The following RABGAP1 variants were observed in gnomAD, a reference collection of about 807,000 sequenced individuals.
RABGAP1 encodes the protein RAB GTPase activating protein 1.
A neutral mutation model predicts 137.6 loss-of-function variants in RABGAP1; 23 were observed. That is an observed-to-expected ratio of 0.17 (90% CI 0.12 to 0.24). RABGAP1 has a LOEUF of 0.24. Ranked by LOEUF, RABGAP1 falls within the 10% of genes least tolerant of loss-of-function variation. The pLI is 1.00. For missense variants in RABGAP1, 906 were observed against 1,275.8 expected, an observed-to-expected ratio of 0.71 and a Z score of 4.42; for synonymous variants, 451 against 450.7, an observed-to-expected ratio of 1.00 and a Z score of -0.01.
intron 10 of RABGAP1, among the ~76,000 whole-genome samples, chr9:123,008,311 A>G (rs1588261050): frequency 1.3e-5 from 2 of 152,184 alleles, no homozygotes; most frequent in East Asian, 3.9e-4. Flanking sequence ...TGTAATCCCA[A>G]CACTTTGGGA....
At chr9:123,020,860 A>G (rs2031583597) in intron 13 of RABGAP1, 11 of 857,962 alleles carry the variant, frequency 1.3e-5, no homozygotes, top group Non-Finnish European at 1.5e-5. Flanking sequence ...TAAGAAAATA[A>G]TTCTTTAATC....
At chr9:123,011,977 C>A (rs1324279190) in intron 11 of RABGAP1, among the ~76,000 whole-genome samples, 1 of 152,048 alleles carries the variant, frequency 6.6e-6, no homozygotes, top group Non-Finnish European at 1.5e-5. Context: ...ACAACAACAA[C>A]AAAAAGAAAT....
chr9:123,092,764 G>T (rs758506377), intron 21 of RABGAP1, among the ~76,000 whole-genome samples: 21 of 152,258 alleles, frequency 1.4e-4, no homozygotes, highest in South Asian at 2.1e-4. Flanking sequence ...GTTGTAGAAG[G>T]GATATAATTA....
In RABGAP1 at chr9:122,996,125, A is replaced by T; in HGVS notation, c.1008A>T (p.Thr336=). 6.2e-7 allele frequency: 1 copy of T among 1,610,738 alleles called. No homozygotes were observed. The highest frequency in any genetic ancestry group is 8.5e-7 in the Non-Finnish European group (1 of 1,179,226). ...DKKIVIYVQQ[T]TNKELAIERC... ...AGATTGTCATCTATGTGCAGCAAACAACTAATAAAGAACTTGCCATTGAAA... is the reference window on the plus strand; with the variant it reads ...AGATTGTCATCTATGTGCAGCAAACTACTAATAAAGAACTTGCCATTGAAA... The change falls in exon 7 of 26, where the codon ACA becomes ACT. Residue 336 remains threonine, a synonymous_variant. Coordinates refer to ENST00000373647, the MANE Select transcript of RABGAP1 (RefSeq NM_012197.4).
chr9:123,031,143 C>T (rs1188680519), intron 13 of RABGAP1, among the ~76,000 whole-genome samples: 2 of 151,876 alleles, frequency 1.3e-5, no homozygotes, highest in African/African-American at 4.8e-5. Flanking sequence ...TTTTTATCAG[C>T]GTAACTGTCT....
upstream of RABGAP1, chr9:122,939,070 T>C (rs1038885329): frequency 1.3e-5 from 2 of 152,200 alleles, no homozygotes; most frequent in Non-Finnish European, 2.9e-5. Context: ...GAATATTTGA[T>C]TGTAGTTAGG....
intron 24 of RABGAP1, among the ~76,000 whole-genome samples, chr9:123,100,262 A>G (rs1252640453): frequency 3.3e-5 from 5 of 152,216 alleles, no homozygotes; most frequent in Non-Finnish European, 7.4e-5. Context: ...CCTCACTAAC[A>G]TATTTACAGC....
intron 21 of RABGAP1, among the ~76,000 whole-genome samples, chr9:123,094,114 T>TA (rs2035111327): frequency 6.6e-6 from 1 of 152,232 alleles, no homozygotes; most frequent in African/African-American, 2.4e-5. Flanking sequence ...TGTGACCTTG[T>TA]AAAAACTCAT....
intron 11 of RABGAP1, among the ~76,000 whole-genome samples, chr9:123,015,011 ATT>A: frequency 6.6e-6 from 1 of 152,250 alleles, no homozygotes; most frequent in Admixed American, 6.5e-5. Flanking sequence ...GACACGTGGG[ATT>A]ATGGGAACTA....
At chr9:123,065,196 G>T in intron 13 of RABGAP1, 152 bp from the exon 14 acceptor site, 4 of 575,390 alleles carry the variant, frequency 7.0e-6, no homozygotes, top group East Asian at 2.8e-5. Flanking sequence ...TGAGTGGTTG[G>T]TCCCTGAAGA....
At chr9:123,077,739 C>T (rs1252127714) in intron 19 of RABGAP1, among the ~76,000 whole-genome samples, 1 of 151,020 alleles carries the variant, frequency 6.6e-6, no homozygotes, top group Non-Finnish European at 1.5e-5. Flanking sequence ...ACTCTTGTTA[C>T]CCAGGCTGGA....
chr9:123,053,890 C>A (rs2132072373), intron 13 of RABGAP1, among the ~76,000 whole-genome samples: 1 of 152,262 alleles, frequency 6.6e-6, no homozygotes, highest in South Asian at 2.1e-4. Flanking sequence ...CTTGAGTTTA[C>A]AAAAGGATGT....
At chr9:123,005,301 C>CTT (rs199909145) in intron 10 of RABGAP1, among the ~76,000 whole-genome samples, 21 of 135,760 alleles carry the variant, frequency 1.5e-4, no homozygotes, top group African/African-American at 5.7e-4. Context: ...TTTTTTTTTC[C>CTT]TTTTTTTTTT....
chr9:123,026,305 C>T lies in RABGAP1; in HGVS notation c.1794+5846C>T, dbSNP rs1207483337. On this transcript the variant is annotated intron_variant, in intron 13 of 25. Transcript: ENST00000373647. ...TGCCACTGCACTTCAGCCCAGGTGA[C>T]AGAGTGAGACTTAAAATAATAATAA... Among the ~76,000 whole-genome samples the T allele has an allele frequency of 3.3e-5, 5 of 152,232 alleles. No individual in the cohort carries two copies. In the East Asian group the frequency reaches 7.7e-4, roughly 23 times the overall value.
At chr9:122,944,829 G>A (rs573668975) in intron 1 of RABGAP1, among the ~76,000 whole-genome samples, 28 of 151,768 alleles carry the variant, frequency 1.8e-4, no homozygotes, top group African/African-American at 6.8e-4. Context: ...CACCTGCCTC[G>A]GCCTCCCAAA....
rs371136834 is a variant in RABGAP1 at position 123,030,828 on chromosome 9, A to G, written c.1794+10369A>G. ...AATGTACATGTGGATTTCTGTAAGG[A>G]TACAAATTTATAGAGCCTCCCCAAG... is the stretch of plus-strand genomic sequence containing the variant. On this transcript the variant is annotated intron_variant, in intron 13 of 25. Coordinates refer to ENST00000373647, the MANE Select transcript of RABGAP1 (RefSeq NM_012197.4). Among the ~76,000 whole-genome samples, 17 of 152,326 alleles carry G rather than the reference A, an allele frequency of 1.1e-4. No homozygotes were observed. The South Asian group carries it at 3.3e-3, about 30-fold the overall frequency.
intron 13 of RABGAP1, among the ~76,000 whole-genome samples, chr9:123,025,200 T>C (rs1376322410): frequency 6.6e-6 from 1 of 152,244 alleles, no homozygotes; most frequent in Non-Finnish European, 1.5e-5. Context: ...TGTCATATTT[T>C]AAATTCTCAT....
chr9:122,994,877 G>A, intron 6 of RABGAP1, among the ~76,000 whole-genome samples: 1 of 152,258 alleles, frequency 6.6e-6, no homozygotes, highest in African/African-American at 2.4e-5. Context: ...AGCACTTGGG[G>A]AGGCTGAGGT....
chr9:122,942,771 A>G (rs541423621), intron 1 of RABGAP1, among the ~76,000 whole-genome samples: 7 of 152,074 alleles, frequency 4.6e-5, no homozygotes, highest in East Asian at 3.9e-4. Flanking sequence ...ATTTCAATCC[A>G]TGATTGATTT....
Sources: allele counts gnomAD v4.1 joint callset (sites outside exome capture counted in the v4.1 genomes callset), GRCh38; gene constraint gnomAD v4.1.1; transcripts MANE v1.5; gene names NCBI Gene and HGNC (gene_info 2026-07-23, HGNC 2026-07-21).